The following GRB14 variants were observed in gnomAD, a reference collection of about 807,000 sequenced individuals.
GRB14 encodes the protein growth factor receptor bound protein 14.
A neutral mutation model predicts 69.1 loss-of-function variants in GRB14; 38 were observed. The ratio of observed to expected loss-of-function variants is 0.55; its 90% CI spans 0.42 to 0.72. The LOEUF (loss-of-function observed/expected upper bound fraction) is 0.72. GRB14 is among the 30% of genes least tolerant of loss of function. The probability of loss-of-function intolerance (pLI) is 0.00; values close to 1 mark genes in which losing one functional copy is unlikely to be tolerated. For synonymous variants in GRB14, 247 were observed against 241.3 expected (o/e 1.02, Z -0.22); for missense variants, 666 against 666.1 (o/e 1.00, Z 0.00).
intron 2 of GRB14, among the ~76,000 whole-genome samples, chr2:164,605,096 T>G (rs1032463159): frequency 2.0e-5 from 3 of 152,262 alleles, no homozygotes; most frequent in Admixed American, 6.5e-5. Context: ...AGAAAACTAC[T>G]AAAAATAGAG....
chr2:164,616,564 T>G lies in GRB14; in HGVS notation c.324+3123A>C, dbSNP rs898124838. Among the ~76,000 whole-genome samples, 5 of 152,278 alleles carry G rather than the reference T, an allele frequency of 3.3e-5. No homozygotes were observed. The Middle Eastern group carries it at 0.017, about 518-fold the overall frequency. On this transcript the variant is annotated intron_variant, in intron 2 of 13. Transcript: ENST00000263915. Reference sequence around the variant, plus strand: ...GCAAAAAGTGATAAAACATATCCCATTTGTGGCTTCAATGCACTTTACCAC... The same window carrying G: ...GCAAAAAGTGATAAAACATATCCCAGTTGTGGCTTCAATGCACTTTACCAC...
intron 2 of GRB14, among the ~76,000 whole-genome samples, chr2:164,601,641 G>T (rs531264137): frequency 6.6e-6 from 1 of 151,870 alleles, no homozygotes; most frequent in Non-Finnish European, 1.5e-5. Flanking sequence ...ACAAAACTAA[G>T]GATTCCATTT....
At chr2:164,557,309 A>T (rs1053561941) in intron 2 of GRB14, among the ~76,000 whole-genome samples, 2 of 152,342 alleles carry the variant, frequency 1.3e-5, no homozygotes, top group African/African-American at 2.4e-5. Context: ...ACTGTGGTAC[A>T]CTGGTTTCCA....
Position 164,591,938 on chromosome 2 carries a change from A to G in GRB14, c.324+27749T>C, listed in dbSNP as rs376009889. 9.9e-5 allele frequency among the ~76,000 whole-genome samples: 15 copies of G among 152,102 alleles called. No homozygotes were observed. The South Asian group carries it at 1.2e-3, about 13-fold the overall frequency. ...CCCCATACTGTTCTTGTGGTAGTGAATAAGTCTCATGAGACCTGATGATTT... is the reference window on the plus strand; with the variant it reads ...CCCCATACTGTTCTTGTGGTAGTGAGTAAGTCTCATGAGACCTGATGATTT... On this transcript the variant is annotated intron_variant, in intron 2 of 13. Transcript: ENST00000263915.
At chr2:164,593,791 CAG>C (rs1689722163) in intron 2 of GRB14, among the ~76,000 whole-genome samples, 1 of 152,074 alleles carries the variant, frequency 6.6e-6, no homozygotes, top group South Asian at 2.1e-4. Context: ...AGGTGAAGGA[CAG>C]AACTAACAGA....
chr2:164,592,005 T>G (rs1380201726), intron 2 of GRB14, among the ~76,000 whole-genome samples: 2 of 152,196 alleles, frequency 1.3e-5, no homozygotes, highest in Non-Finnish European at 2.9e-5. Flanking sequence ...ACTTCTCTCT[T>G]GCCTGCCACC....
Position 164,593,329 on chromosome 2 carries a change from A to C in GRB14, c.324+26358T>G, listed in dbSNP as rs545163530. 3.9e-5 allele frequency among the ~76,000 whole-genome samples: 6 copies of C among 152,268 alleles called. No homozygotes were observed. The East Asian group carries it at 5.8e-4, about 15-fold the overall frequency. ...TTCTGACTACTAAAAAAATAAAATC[A>C]AGTAAATAAATGAATGAATATGTTT... On this transcript the variant is annotated intron_variant, in intron 2 of 13. Coordinates refer to ENST00000263915, the MANE Select transcript of GRB14 (RefSeq NM_004490.3).
intron 3 of GRB14, among the ~76,000 whole-genome samples, chr2:164,532,352 C>G (rs1026332106): frequency 4.6e-5 from 7 of 152,192 alleles, no homozygotes; most frequent in Admixed American, 4.6e-4. Context: ...CTGAGTCTGA[C>G]AGCTGTTTCA....
chr2:164,617,902 A>G (rs1690337873), intron 2 of GRB14, among the ~76,000 whole-genome samples: 1 of 136,470 alleles, frequency 7.3e-6, no homozygotes, highest in Admixed American at 8.2e-5. Context: ...CCATTATGTC[A>G]TCATCAGACA....
intron 2 of GRB14, among the ~76,000 whole-genome samples, chr2:164,612,631 A>G (rs1214783711): frequency 1.3e-5 from 2 of 152,128 alleles, no homozygotes; most frequent in Non-Finnish European, 2.9e-5. Context: ...GTTTATTACT[A>G]TTTGACATAA....
intron 3 of GRB14, among the ~76,000 whole-genome samples, chr2:164,545,720 C>A (rs1305972416): frequency 1.3e-5 from 2 of 152,116 alleles, no homozygotes; most frequent in African/African-American, 4.8e-5. Flanking sequence ...AATGACACTG[C>A]CATAACGAAC....
chr2:164,522,570 C>G (rs974245986), intron 5 of GRB14, among the ~76,000 whole-genome samples: 14 of 152,104 alleles, frequency 9.2e-5, no homozygotes, highest in Admixed American at 6.6e-4. Flanking sequence ...TACAGGTTTA[C>G]CTATTAACTT....
At chr2:164,519,338 T>G (rs1287359149) in intron 6 of GRB14, among the ~76,000 whole-genome samples, 1 of 152,032 alleles carries the variant, frequency 6.6e-6, no homozygotes, top group Non-Finnish European at 1.5e-5. Flanking sequence ...TTCAGCAAAA[T>G]TGGCATAGAA....
At chr2:164,493,313 T>C in intron 13 of GRB14, 131 bp from the exon 14 acceptor site, 1 of 732,828 alleles carries the variant, frequency 1.4e-6, no homozygotes, top group East Asian at 2.8e-5. Flanking sequence ...GAAAAGAATG[T>C]TACGGCATAT....
chr2:164,616,391 A>T (rs1362643887), intron 2 of GRB14, among the ~76,000 whole-genome samples: 2 of 136,702 alleles, frequency 1.5e-5, no homozygotes, highest in African/African-American at 5.6e-5. Context: ...GTGCCACTGC[A>T]CTCCAGCCTG....
At chr2:164,501,015 TGGA>T (rs1194733072) in intron 9 of GRB14, among the ~76,000 whole-genome samples, 1 of 152,168 alleles carries the variant, frequency 6.6e-6, no homozygotes, top group Non-Finnish European at 1.5e-5. Context: ...AAAAGAAATT[TGGA>T]GGAGTTTAGG....
chr2:164,508,423 T>C (rs1337755929), intron 8 of GRB14, 32 bp downstream of exon 8: 1 of 1,540,410 alleles, frequency 6.5e-7, no homozygotes, highest in Admixed American at 1.7e-5. Context: ...CTCACAGCAG[T>C]TAATAGAAAT....
At position 164,572,725 on chromosome 2, in the gene GRB14, G is replaced by T. The variant is rs11677541; in HGVS notation, c.325-24909C>A. ...GCATTCTATATTATTTAGAATGGAG[G>T]TTCCTTGAGGGCAGTGGCATGTCTA... On this transcript the variant is annotated intron_variant, in intron 2 of 13. Transcript: ENST00000263915. Among the ~76,000 whole-genome samples, 82 of 151,986 alleles carry T rather than the reference G, an allele frequency of 5.4e-4. No individual in the cohort carries two copies. The East Asian group carries it at 0.015, about 28-fold the overall frequency.
In GRB14 at chr2:164,527,064, G is replaced by C. The variant is rs781692772; in HGVS notation, c.553C>G (p.Leu185Val). ...TTGGCATAATTTTTTCTAAAGTATA[G>C]TTTGTTTTCTTCTTCTATCCCCCAG... Reference protein sequence around the residue: ...SNWGIEEENKLYFRKNYAKYE... With the variant: ...SNWGIEEENKVYFRKNYAKYE... The change falls in exon 4 of 14, where the codon CTA (leucine) becomes GTA (valine). Residue 185 changes from leucine to valine, a missense_variant. By Grantham distance (32) the Leu-to-Val change is conservative (BLOSUM62 1). Transcript: ENST00000263915. The C allele has an allele frequency of 6.3e-7, 1 of 1,593,390 alleles. No individual in the cohort carries two copies. The highest frequency in any genetic ancestry group is 8.6e-7 in the Non-Finnish European group (1 of 1,164,008).
Sources: gnomAD v4.1 joint callset for allele counts (sites outside exome capture counted in the v4.1 genomes callset) on GRCh38, gnomAD v4.1.1 for gene constraint, MANE v1.5 for transcripts, NCBI Gene and HGNC (gene_info 2026-07-23, HGNC 2026-07-21) for gene names.